UBASH3A: variants seen among roughly 807,000 people sequenced by gnomAD.
The protein encoded by UBASH3A is ubiquitin associated and SH3 domain containing A, also known as ubiquitin-associated and SH3 domain-containing protein A.
A neutral mutation model predicts 73.5 loss-of-function variants in UBASH3A; 63 were observed. The observed-to-expected ratio is 0.86, with a 90% CI of 0.70 to 1.06. The LOEUF (loss-of-function observed/expected upper bound fraction) is 1.06. UBASH3A is among the 50% of genes least tolerant of loss of function. UBASH3A has a pLI of 0.00. For missense variants in UBASH3A, 860 were observed against 859.0 expected, an observed-to-expected ratio of 1.00 and a Z score of -0.02; for synonymous variants, 363 against 351.1, an observed-to-expected ratio of 1.03 and a Z score of -0.38.
chr21:42,410,928 C>T (rs912675193), intron 3 of UBASH3A, among the ~76,000 whole-genome samples: 7 of 151,792 alleles, frequency 4.6e-5, no homozygotes, highest in Non-Finnish European at 8.8e-5. Flanking sequence ...CACAGACACA[C>T]ACAGATAGAC....
chr21:42,413,625 A>G lies in UBASH3A; in HGVS notation c.667+102A>G, dbSNP rs908952607. On this transcript the variant is annotated intron_variant, in intron 5 of 14. Coordinates refer to ENST00000319294, the MANE Select transcript of UBASH3A (RefSeq NM_018961.4). This position sits in a 1 kb window ranked among gnomAD's most constrained non-coding sequence, Gnocchi z 4.5. The stretch of plus-strand genomic sequence containing the variant: ...TTTTAAAATGCTTAGCTATATGCCA[A>G]CAGCCTGGGAAAGTGCCCCAGAAGG... 6 of 872,962 alleles carry G rather than the reference A, an allele frequency of 6.9e-6. No individual in the cohort carries two copies. Among genetic ancestry groups the G allele is most frequent in the South Asian group, 3.5e-5 (2 of 57,634 alleles). The allele number at this position is 872,962 out of a possible 1,614,324, so 54.1% of individuals were successfully genotyped here.
rs200317891 is a variant in UBASH3A at position 42,413,009 on chromosome 21, T to C, written c.355-15T>C. ...GAGAGGTGTGGAAACACAGGCTCTGTCTCTGTCCCCTTAGTGTGAAGACCA... is the reference window on the plus strand; with the variant it reads ...GAGAGGTGTGGAAACACAGGCTCTGCCTCTGTCCCCTTAGTGTGAAGACCA... On this transcript the variant is annotated splice_polypyrimidine_tract_variant and intron_variant, in intron 3 of 14. Transcript: ENST00000319294. The surrounding 1 kb of genome is among the most constrained non-coding windows in gnomAD (Gnocchi z 4.5). The C allele has an allele frequency of 1.3e-3, 2,048 of 1,610,316 alleles. 1 individual carries two copies. The highest frequency in any genetic ancestry group is 1.6e-3 in the Non-Finnish European group (1,938 of 1,176,602).
chr21:42,440,868 C>T (rs527325955), intron 11 of UBASH3A, among the ~76,000 whole-genome samples: 10 of 152,344 alleles, frequency 6.6e-5, no homozygotes, highest in African/African-American at 2.4e-4. Context: ...ACTGAAAACA[C>T]TTCATAATTT....
intron 5 of UBASH3A, among the ~76,000 whole-genome samples, chr21:42,415,543 G>A (rs1436256260): frequency 6.6e-6 from 1 of 152,236 alleles, no homozygotes; most frequent in East Asian, 1.9e-4. Context: ...AGCAGATCCT[G>A]TTTGTAAGTG....
Position 42,426,728 on chromosome 21 carries a change from A to G in UBASH3A, c.1078A>G (p.Asn360Asp). Residue 360 changes from asparagine to aspartate, a missense_variant, in exon 8 of 15, where the codon AAC becomes GAC. Physicochemically the swap from Asn to Asp is conservative, Grantham distance 23. Transcript: ENST00000319294. The stretch of plus-strand genomic sequence containing the variant: ...CACCTTCAGTCTAGCCACAGACCTG[A>G]ACTCCAGAAAGGATGGTGAAGCCAG... The part of the protein sequence containing the change: ...MYTFSLATDL[N>D]SRKDGEASSR... The G allele has an allele frequency of 6.2e-7, 1 of 1,614,096 alleles. No individual in the cohort carries two copies. Among genetic ancestry groups the G allele is most frequent in the Non-Finnish European group, 8.5e-7 (1 of 1,179,946 alleles).
intron 13 of UBASH3A, among the ~76,000 whole-genome samples, chr21:42,444,064 G>C (rs927849403): frequency 1.3e-5 from 2 of 152,200 alleles, no homozygotes; most frequent in African/African-American, 2.4e-5. Flanking sequence ...GACTTCCCAC[G>C]CCTTCCCCTG....
At chr21:42,417,878 C>CTTTTTTTTTTTTT (rs796939696) in intron 6 of UBASH3A, among the ~76,000 whole-genome samples, 4 of 90,634 alleles carry the variant, frequency 4.4e-5, no homozygotes, top group Non-Finnish European at 8.3e-5. Context: ...TTCTTTTTTT[C>CTTTTTTTTTTTTT]TTTTTTTTTT....
chr21:42,409,144 C>T (rs1479865610), intron 2 of UBASH3A, among the ~76,000 whole-genome samples: 1 of 152,140 alleles, frequency 6.6e-6, no homozygotes, highest in Non-Finnish European at 1.5e-5. Flanking sequence ...TTGCTGTCAA[C>T]TTTCTTTCAT....
chr21:42,430,886 A>G (rs1211410339), intron 8 of UBASH3A, among the ~76,000 whole-genome samples: 1 of 151,914 alleles, frequency 6.6e-6, no homozygotes, highest in Non-Finnish European at 1.5e-5. Flanking sequence ...AGGGTTCCCC[A>G]CCTCTTGCTC....
intron 8 of UBASH3A, 109 bp downstream of exon 8, chr21:42,426,929 C>G: frequency 7.2e-7 from 1 of 1,381,242 alleles, no homozygotes; most frequent in Non-Finnish European, 9.9e-7. Flanking sequence ...TCCATAGACA[C>G]ATCCTCCCTG....
chr21:42,437,994 C>A (rs1601598746), intron 11 of UBASH3A, among the ~76,000 whole-genome samples: 1 of 152,360 alleles, frequency 6.6e-6, no homozygotes, highest in East Asian at 1.9e-4. Flanking sequence ...CCAGCGTCCT[C>A]AAGGGCTGAT....
At position 42,413,297 on chromosome 21, in the gene UBASH3A, C is replaced by G; in HGVS notation, c.553+75C>G. 2 of 1,577,008 alleles carry G rather than the reference C, an allele frequency of 1.3e-6. No homozygotes were observed. Among genetic ancestry groups the G allele is most frequent in the Non-Finnish European group, 1.7e-6 (2 of 1,149,650 alleles). ...GAGCCCTCTGTGGCAGGGACTAGCC[C>G]CCGGCACATGGATGCAGTGGGTGGG... is the stretch of plus-strand genomic sequence containing the variant. On this transcript the variant is annotated intron_variant, in intron 4 of 14. Transcript: ENST00000319294. The surrounding 1 kb of genome is among the most constrained non-coding windows in gnomAD (Gnocchi z 4.5).
Position 42,413,559 on chromosome 21 carries a change from C to A in UBASH3A, c.667+36C>A. The stretch of plus-strand genomic sequence containing the variant: ...AGAAAGCTTCCGGACCAGCTTTGGT[C>A]TTCTCTTTAGGCGGGAATAGCCTTG... On this transcript the variant is annotated intron_variant, in intron 5 of 14. Transcript: ENST00000319294. The surrounding 1 kb of genome is among the most constrained non-coding windows in gnomAD (Gnocchi z 4.5). The A allele has an allele frequency of 6.7e-7, 1 of 1,482,202 alleles. No homozygotes were observed. The highest frequency in any genetic ancestry group is 1.4e-5 in the African/African-American group (1 of 71,950). The allele number at this position is 1,482,202 out of a possible 1,614,324, so 91.8% of individuals were successfully genotyped here.
chr21:42,416,136 C>T (rs1306947326), intron 5 of UBASH3A, among the ~76,000 whole-genome samples: 5 of 152,182 alleles, frequency 3.3e-5, no homozygotes, highest in Non-Finnish European at 7.4e-5. Context: ...CACTGGGTAA[C>T]GTGCACACCC....
At chr21:42,409,832 T>C (rs1284091419) in intron 3 of UBASH3A, among the ~76,000 whole-genome samples, 4 of 152,174 alleles carry the variant, frequency 2.6e-5, no homozygotes, top group African/African-American at 7.2e-5. Flanking sequence ...TCTCCCCTTT[T>C]TGAGTCTTCT....
chr21:42,410,583 T>C (rs1333010970), intron 3 of UBASH3A: 2 of 261,970 alleles, frequency 7.6e-6, no homozygotes, highest in Admixed American at 5.4e-5. Context: ...AGACTAAACC[T>C]GGAAAAGCCC....
At chr21:42,434,697 T>C in intron 9 of UBASH3A, 135 bp from the exon 10 acceptor site, 3 of 1,020,514 alleles carry the variant, frequency 2.9e-6, no homozygotes, top group African/African-American at 1.6e-5. Context: ...GCAGAGAATG[T>C]TCAGAAACAA....
intron 14 of UBASH3A, 148 bp from the exon 15 acceptor site, chr21:42,446,909 G>A: frequency 1.2e-6 from 1 of 836,574 alleles, no homozygotes. Context: ...CAGGGCAGAT[G>A]TTGGTGCCAT....
chr21:42,442,495 A>C lies in UBASH3A; in HGVS notation c.1530A>C (p.Gly510=). The part of the protein sequence containing the change: ...EKKIKIRVEP[G]IFEWTKWEAG... ...AAATCAAGATACGAGTGGAACCTGG[A>C]ATCTTTGAATGGACAAAATGGGAAG... The change falls in exon 12 of 15, where the codon GGA becomes GGC. Residue 510 remains glycine, a synonymous_variant. Transcript: ENST00000319294. 1.2e-6 allele frequency: 2 copies of C among 1,614,166 alleles called. No homozygotes were observed. Among genetic ancestry groups the C allele is most frequent in the South Asian group, 2.2e-5 (2 of 91,078 alleles).
Sources: gnomAD v4.1 joint callset for allele counts (sites outside exome capture counted in the v4.1 genomes callset) on GRCh38, gnomAD v4.1.1 for gene constraint, Gnocchi (gnomAD v3.1) non-coding constraint, MANE v1.5 for transcripts, NCBI Gene and HGNC (gene_info 2026-07-23, HGNC 2026-07-21) for gene names.